PCP4: variants seen among roughly 807,000 people sequenced by gnomAD.
PCP4 encodes the protein Purkinje cell protein 4.
Under a neutral mutation model 10.0 loss-of-function variants are expected in PCP4, and 8 were observed. The ratio of observed to expected loss-of-function variants is 0.80; its 90% CI spans 0.47 to 1.45. The LOEUF is 1.45. Among genes scored for constraint, PCP4 ranks in the 40% most tolerant of loss-of-function variants. The pLI is 0.00. For missense variants in PCP4, 54 were observed against 74.4 expected (o/e 0.73, Z 1.01); for synonymous variants, 21 against 23.0 (o/e 0.91, Z 0.24).
At chr21:39,928,580 ACT>A (rs1483801661) in intron 2 of PCP4, among the ~76,000 whole-genome samples, 1 of 152,114 alleles carries the variant, frequency 6.6e-6, no homozygotes, top group Non-Finnish European at 1.5e-5. Flanking sequence ...TCAGTATATG[ACT>A]CTGCTGACTC....
intron 2 of PCP4, among the ~76,000 whole-genome samples, chr21:39,908,966 A>C (rs746626779): frequency 1.3e-5 from 2 of 152,196 alleles, no homozygotes; most frequent in Non-Finnish European, 2.9e-5. Flanking sequence ...CCATCTCCTT[A>C]TTTAAATTGC....
intron 1 of PCP4, among the ~76,000 whole-genome samples, chr21:39,895,040 T>TATCC (rs1006652744): frequency 6.6e-6 from 1 of 152,006 alleles, no homozygotes. Flanking sequence ...TCTGTTCATC[T>TATCC]ATCCATCCAT....
chr21:39,918,133 C>T (rs2087577968), intron 2 of PCP4, among the ~76,000 whole-genome samples: 1 of 152,176 alleles, frequency 6.6e-6, no homozygotes, highest in African/African-American at 2.4e-5. Context: ...TCATGATAGC[C>T]TAAGCAATTC....
rs762120459 is a variant in PCP4 at position 39,906,044 on chromosome 21, C to T, written c.61+7517C>T. 6.6e-5 allele frequency among the ~76,000 whole-genome samples: 10 copies of T among 152,234 alleles called. No homozygotes were observed. Among genetic ancestry groups the T allele is most frequent in the East Asian group, 3.9e-4 (2 of 5,162 alleles). ...CAACCTGGGTGACAGAGCGAGACTCCGTCTCAAAATGCTCCCCCATGCTGT... is the reference window on the plus strand; with the variant it reads ...CAACCTGGGTGACAGAGCGAGACTCTGTCTCAAAATGCTCCCCCATGCTGT... On this transcript the variant is annotated intron_variant, in intron 2 of 2. Coordinates refer to ENST00000328619, the MANE Select transcript of PCP4 (RefSeq NM_006198.3). This position sits in a 1 kb window ranked among gnomAD's most constrained non-coding sequence, Gnocchi z 6.3.
chr21:39,870,493 C>T (rs1245847640), intron 1 of PCP4, among the ~76,000 whole-genome samples: 2 of 152,168 alleles, frequency 1.3e-5, no homozygotes, highest in African/African-American at 4.8e-5. Context: ...TTCTTTCTCC[C>T]TCATCGTACT....
chr21:39,926,613 G>A (rs1445938821), intron 2 of PCP4, among the ~76,000 whole-genome samples: 2 of 152,212 alleles, frequency 1.3e-5, no homozygotes, highest in Non-Finnish European at 2.9e-5. Flanking sequence ...TCCCAGTGCT[G>A]TAGATGCTAC....
Position 39,927,979 on chromosome 21 carries a change from A to G in PCP4, c.62-1005A>G, listed in dbSNP as rs185337706. ...TTTAAAAAAAGAAAGAAAAAGAAAA[A>G]CGATGCCTTTGATGAATCTGATGTT... is the stretch of plus-strand genomic sequence containing the variant. On this transcript the variant is annotated intron_variant, in intron 2 of 2. Transcript: ENST00000328619. Among the ~76,000 whole-genome samples the G allele has an allele frequency of 2.7e-3, 414 of 152,128 alleles. 3 individuals are homozygous for G. The highest frequency in any genetic ancestry group is 4.7e-3 in the Non-Finnish European group (321 of 67,966).
At chr21:39,887,682 G>A (rs1015145263) in intron 1 of PCP4, among the ~76,000 whole-genome samples, 1 of 151,826 alleles carries the variant, frequency 6.6e-6, no homozygotes, top group Admixed American at 6.5e-5. Context: ...CTGCCCGGCT[G>A]TTGATGCCAT....
chr21:39,888,854 C>A (rs1568852970), intron 1 of PCP4, among the ~76,000 whole-genome samples: 1 of 152,230 alleles, frequency 6.6e-6, no homozygotes, highest in African/African-American at 2.4e-5. Flanking sequence ...CTGTCTGACC[C>A]TGTACCCGTG....
chr21:39,925,819 T>C (rs994791846), intron 2 of PCP4, among the ~76,000 whole-genome samples: 5 of 152,126 alleles, frequency 3.3e-5, no homozygotes, highest in Non-Finnish European at 7.4e-5. Flanking sequence ...GCCTTGTCAC[T>C]GCCACTGGGG....
intron 1 of PCP4, among the ~76,000 whole-genome samples, chr21:39,896,100 T>G (rs1431073599): frequency 2.0e-5 from 3 of 152,290 alleles, no homozygotes; most frequent in Admixed American, 6.5e-5. Context: ...TTTTCTCCCC[T>G]GTGCACATTT....
chr21:39,918,409 G>C (rs375704439), intron 2 of PCP4, among the ~76,000 whole-genome samples: 1 of 152,070 alleles, frequency 6.6e-6, no homozygotes, highest in African/African-American at 2.4e-5. Flanking sequence ...ACCGAGAGGC[G>C]CTCAGAGTAA....
rs142413045 is a variant in PCP4, at chr21:39,896,523, A to G, written c.10-1953A>G. On this transcript the variant is annotated intron_variant, in intron 1 of 2. Transcript: ENST00000328619. ...AGGCATTTTTACTTGCAAATCTGCTATATTTAAGAAATGGTTTACCTGATT... is the reference window on the plus strand; with the variant it reads ...AGGCATTTTTACTTGCAAATCTGCTGTATTTAAGAAATGGTTTACCTGATT... Among the ~76,000 whole-genome samples the G allele has an allele frequency of 1.7e-3, 253 of 152,358 alleles. 1 individual carries two copies. Among genetic ancestry groups the G allele is most frequent in the African/African-American group, 5.9e-3 (245 of 41,586 alleles).
At chr21:39,901,426 C>T (rs557425682) in intron 2 of PCP4, among the ~76,000 whole-genome samples, 2 of 152,332 alleles carry the variant, frequency 1.3e-5, no homozygotes, top group South Asian at 2.1e-4. Context: ...TGTTCGATGT[C>T]TCTGCCCCTT....
At chr21:39,907,468 A>G (rs995163486) in intron 2 of PCP4, among the ~76,000 whole-genome samples, 4 of 152,184 alleles carry the variant, frequency 2.6e-5, no homozygotes, top group Non-Finnish European at 5.9e-5. Context: ...GTTGAAAGGT[A>G]CAGCTAAGCT....
chr21:39,868,999 C>T (rs1342227769), intron 1 of PCP4, among the ~76,000 whole-genome samples: 1 of 152,154 alleles, frequency 6.6e-6, no homozygotes, highest in Non-Finnish European at 1.5e-5. Flanking sequence ...GAGGGGCTTT[C>T]TGCTGGACTC....
chr21:39,920,864 C>G (rs1405496360), intron 2 of PCP4, among the ~76,000 whole-genome samples: 2 of 152,132 alleles, frequency 1.3e-5, no homozygotes, highest in Non-Finnish European at 2.9e-5. Flanking sequence ...CTGGCTGCCG[C>G]CCCCATCCTG....
chr21:39,888,741 C>A (rs1443572229), intron 1 of PCP4, among the ~76,000 whole-genome samples: 2 of 152,298 alleles, frequency 1.3e-5, no homozygotes, highest in African/African-American at 4.8e-5. Context: ...AGCAGTGGGT[C>A]CCTTCTGCTT....
chr21:39,871,670 CA>C (rs1405291078), intron 1 of PCP4, among the ~76,000 whole-genome samples: 2 of 150,042 alleles, frequency 1.3e-5, no homozygotes, highest in East Asian at 3.9e-4. Context: ...GTTTGAAGTT[CA>C]ACTTTTCCTA....
Sources: allele counts gnomAD v4.1 joint callset (sites outside exome capture counted in the v4.1 genomes callset), GRCh38; gene constraint gnomAD v4.1.1; non-coding constraint Gnocchi (gnomAD v3.1); transcripts MANE v1.5; gene names NCBI Gene and HGNC (gene_info 2026-07-23, HGNC 2026-07-21).